The following CHRDL2 variants were observed in gnomAD, a reference collection of about 807,000 sequenced individuals.
The protein encoded by CHRDL2 is chordin-like protein 2.
A neutral mutation model predicts 54.3 loss-of-function variants in CHRDL2; 41 were observed. The ratio of observed to expected loss-of-function variants is 0.76; its 90% CI spans 0.59 to 0.98. CHRDL2 has a LOEUF of 0.98. Among genes scored for constraint, CHRDL2 ranks in the 50% least tolerant of loss-of-function variants. The pLI is 0.00. For synonymous variants in CHRDL2, 220 were observed against 224.3 expected, an observed-to-expected ratio of 0.98 and a Z score of 0.17; for missense variants, 518 against 562.4, an observed-to-expected ratio of 0.92 and a Z score of 0.80.
intron 6 of CHRDL2, 175 bp from the exon 7 acceptor site, chr11:74,704,829 T>G (rs1343394332): frequency 4.8e-5 from 31 of 650,836 alleles, no homozygotes; most frequent in Non-Finnish European, 7.6e-5. Context: ...TAAGATGTTT[T>G]CAGACAGTTC....
At chr11:74,724,179 C>G (rs1487428633) in intron 1 of CHRDL2, among the ~76,000 whole-genome samples, 1 of 152,202 alleles carries the variant, frequency 6.6e-6, no homozygotes, top group Non-Finnish European at 1.5e-5. Context: ...GAGAAATTAA[C>G]AAGATGCAGA....
chr11:74,716,312 A>G (rs1445634046), intron 2 of CHRDL2, among the ~76,000 whole-genome samples: 1 of 151,880 alleles, frequency 6.6e-6, no homozygotes, highest in African/African-American at 2.4e-5. Flanking sequence ...CAAAGAGGGC[A>G]GATCATGAGA....
At chr11:74,700,196 G>C (rs910089265) in intron 9 of CHRDL2, among the ~76,000 whole-genome samples, 1 of 152,160 alleles carries the variant, frequency 6.6e-6, no homozygotes, top group Non-Finnish European at 1.5e-5. Flanking sequence ...GCATTAATAC[G>C]TGCCCCTTAG....
intron 2 of CHRDL2, among the ~76,000 whole-genome samples, chr11:74,715,559 C>T (rs990584712): frequency 1.1e-4 from 16 of 148,636 alleles, no homozygotes; most frequent in Non-Finnish European, 2.1e-4. Context: ...GCCGAGATTA[C>T]GACATGGCAC....
At position 74,700,423 on chromosome 11, in the gene CHRDL2, G is replaced by A. The variant is rs1244108984; in HGVS notation, c.1120+2371C>T. On this transcript the variant is annotated intron_variant, in intron 9 of 10. Transcript: ENST00000376332. The stretch of plus-strand genomic sequence containing the variant: ...TTCATTGGCTCTTTACATCATTGAG[G>A]CCCATCCTTCACGAAGCCTTCCCTG... 2.6e-5 allele frequency among the ~76,000 whole-genome samples: 4 copies of A among 152,012 alleles called. No individual in the cohort carries two copies. The East Asian group carries it at 7.7e-4, about 29-fold the overall frequency.
intron 7 of CHRDL2, among the ~76,000 whole-genome samples, chr11:74,703,765 G>T (rs1816748475): frequency 6.6e-6 from 1 of 152,252 alleles, no homozygotes; most frequent in African/African-American, 2.4e-5. Context: ...CACTTCTGCG[G>T]GAGCAAGGAG....
At chr11:74,699,420 A>G (rs1006660386) in intron 9 of CHRDL2, 6 of 152,360 alleles carry the variant, frequency 3.9e-5, no homozygotes, top group African/African-American at 1.4e-4. Context: ...GCTGGCACCA[A>G]TGGGCAAGTC....
At chr11:74,718,995 A>C in intron 1 of CHRDL2, 163 bp from the exon 2 acceptor site, 1 of 595,506 alleles carries the variant, frequency 1.7e-6, no homozygotes, top group South Asian at 2.1e-5. Context: ...AAGGGGCCAG[A>C]AGGTCTGAGT....
intron 1 of CHRDL2, among the ~76,000 whole-genome samples, chr11:74,722,025 G>A (rs990611156): frequency 6.6e-6 from 1 of 152,188 alleles, no homozygotes; most frequent in Non-Finnish European, 1.5e-5. Flanking sequence ...ATTCTTGGAT[G>A]TGTTGATGGT....
rs924020881 is a variant in CHRDL2, at chr11:74,704,600, T to C, written c.637A>G (p.Thr213Ala). 4 of 1,599,740 alleles carry C rather than the reference T, an allele frequency of 2.5e-6. No homozygotes were observed. Among genetic ancestry groups the C allele is most frequent in the Non-Finnish European group, 3.4e-6 (4 of 1,173,562 alleles). The change falls in exon 7 of 11, where the codon ACC becomes GCC. Residue 213 changes from threonine to alanine, a missense_variant. Coordinates refer to ENST00000376332, the MANE Select transcript of CHRDL2 (RefSeq NM_001278473.3). ...GCGCTGAGGCCAGTGGGGGCTGGGG[T>C]GCCCGGGCCTCTCTTTCTCCCAGCA... ...SDAGRKRGPG[T>A]PAPTGLSAPL...
At chr11:74,707,446 C>G (rs1485472268) in intron 5 of CHRDL2, among the ~76,000 whole-genome samples, 1 of 152,202 alleles carries the variant, frequency 6.6e-6, no homozygotes, top group Non-Finnish European at 1.5e-5. Flanking sequence ...TTTCATTCTG[C>G]TCACGCTTAG....
chr11:74,730,975 T>C lies in CHRDL2; in HGVS notation c.-87A>G. The C allele has an allele frequency of 3.6e-6, 4 of 1,115,542 alleles. No individual in the cohort carries two copies. Among genetic ancestry groups the C allele is most frequent in the Non-Finnish European group, 5.2e-6 (4 of 769,668 alleles). The allele number at this position is 1,115,542 out of a possible 1,614,324, so 69.1% of individuals were successfully genotyped here. On this transcript the variant is annotated 5_prime_UTR_variant, in exon 1 of 11. Transcript: ENST00000376332. ...GACACGGAGGCACAGGGGCCACAGA[T>C]CAACCCACAGACCCCAGGAGGTCTG...
At position 74,701,603 on chromosome 11, in the gene CHRDL2, C is replaced by A. The variant is rs751528962; in HGVS notation, c.1120+1191G>T. 14 of 717,754 alleles carry A rather than the reference C, an allele frequency of 2.0e-5. No homozygotes were observed. The South Asian group carries it at 2.1e-4, about 11-fold the overall frequency. 44.5% of individuals were successfully genotyped at this position (717,754 alleles called of 1,614,324 possible). A position where few individuals can be genotyped will look rare whatever the true frequency, so the allele number is the denominator to read the frequency against. ...CGTCCTCCACTTACTGGCTGTGTGG[C>A]CTTGGGCCAGGTACTTCACCTCTCT... On this transcript the variant is annotated intron_variant, in intron 9 of 10. Transcript: ENST00000376332.
intron 1 of CHRDL2, among the ~76,000 whole-genome samples, chr11:74,727,136 A>G (rs2034585110): frequency 6.6e-6 from 1 of 152,254 alleles, no homozygotes; most frequent in Non-Finnish European, 1.5e-5. Flanking sequence ...ATGGTCCTCA[A>G]TAATCATCCA....
At chr11:74,702,215 C>T (rs1317519662) in intron 9 of CHRDL2, among the ~76,000 whole-genome samples, 3 of 151,352 alleles carry the variant, frequency 2.0e-5, no homozygotes, top group Non-Finnish European at 4.4e-5. Flanking sequence ...CGAGATCATG[C>T]CACTGCACTC....
intron 10 of CHRDL2, 146 bp downstream of exon 10, chr11:74,697,059 C>T (rs1388325261): frequency 4.8e-6 from 3 of 629,078 alleles, no homozygotes; most frequent in Non-Finnish European, 8.5e-6. Flanking sequence ...GCGCAGACAC[C>T]CGCTGGATTC....
intron 1 of CHRDL2, among the ~76,000 whole-genome samples, chr11:74,726,458 AG>A (rs2135279403): frequency 6.6e-6 from 1 of 152,320 alleles, no homozygotes; most frequent in East Asian, 1.9e-4. Context: ...GCTTCTGGCG[AG>A]ACACAAAAAA....
intron 1 of CHRDL2, among the ~76,000 whole-genome samples, chr11:74,729,741 T>A (rs1053502998): frequency 6.6e-6 from 1 of 152,186 alleles, no homozygotes; most frequent in Non-Finnish European, 1.5e-5. Flanking sequence ...GTGCCATGTA[T>A]GTCCTGGAGA....
chr11:74,730,278 C>T (rs984756553), intron 1 of CHRDL2, among the ~76,000 whole-genome samples: 2 of 152,134 alleles, frequency 1.3e-5, no homozygotes, highest in Non-Finnish European at 2.9e-5. Flanking sequence ...CTTTGGATGG[C>T]TTACCCGCTC....
Sources: allele counts gnomAD v4.1 joint callset (sites outside exome capture counted in the v4.1 genomes callset), GRCh38; gene constraint gnomAD v4.1.1; transcripts MANE v1.5; gene names NCBI Gene and HGNC (gene_info 2026-07-23, HGNC 2026-07-21).